EFCAB5: variants seen among roughly 807,000 people sequenced by gnomAD.
EFCAB5 encodes EF-hand calcium-binding domain-containing protein 5.
In EFCAB5, 131 loss-of-function variants were observed where a neutral mutation model predicts 167.9. That is an observed-to-expected ratio of 0.78 (90% CI 0.68 to 0.90). The LOEUF (loss-of-function observed/expected upper bound fraction) is 0.90. Among genes scored for constraint, EFCAB5 ranks in the 40% least tolerant of loss-of-function variants. The pLI, the probability that EFCAB5 is intolerant of heterozygous loss-of-function variation, is 0.00. For missense variants in EFCAB5, 1,663 were observed against 1,745.2 expected (o/e 0.95, Z 0.84); for synonymous variants, 574 against 602.8 (o/e 0.95, Z 0.70).
intron 4 of EFCAB5, among the ~76,000 whole-genome samples, chr17:29,969,842 A>T (rs2067912946): frequency 6.6e-6 from 1 of 152,194 alleles, no homozygotes; most frequent in Admixed American, 6.5e-5. Flanking sequence ...TTCTTTATAC[A>T]TACATAAGGA....
intron 14 of EFCAB5, among the ~76,000 whole-genome samples, chr17:30,062,774 G>A (rs2070459020): frequency 6.6e-6 from 1 of 152,150 alleles, no homozygotes. Flanking sequence ...AAGTGGAGGT[G>A]GAGTCACTCC....
chr17:29,980,033 G>A (rs1438816681), intron 4 of EFCAB5, among the ~76,000 whole-genome samples: 2 of 152,128 alleles, frequency 1.3e-5, no homozygotes, highest in East Asian at 3.9e-4. Flanking sequence ...GCTGGGCATG[G>A]TGGTGCATGC....
chr17:30,002,650 T>C (rs951675892), intron 7 of EFCAB5, among the ~76,000 whole-genome samples: 1 of 152,262 alleles, frequency 6.6e-6, no homozygotes, highest in Non-Finnish European at 1.5e-5. Context: ...CTGTGTTTTT[T>C]GCTTTTTTCA....
At chr17:30,010,657 A>AT (rs1343924953) in intron 7 of EFCAB5, among the ~76,000 whole-genome samples, 4 of 151,724 alleles carry the variant, frequency 2.6e-5, no homozygotes, top group Non-Finnish European at 4.4e-5. Flanking sequence ...CAGTTGTTTG[A>AT]TTTTTTCTTG....
At chr17:30,074,293 C>G (rs1194635321) in intron 14 of EFCAB5, 1 of 152,054 alleles carries the variant, frequency 6.6e-6, no homozygotes, top group South Asian at 2.1e-4. Context: ...CACCACCATG[C>G]CTGGCTAGTT....
chr17:30,014,951 C>T (rs1272380583), intron 7 of EFCAB5, among the ~76,000 whole-genome samples: 5 of 152,082 alleles, frequency 3.3e-5, no homozygotes, highest in Admixed American at 6.5e-5. Flanking sequence ...TGTTCCTTTC[C>T]GTGTTTAGTG....
intron 3 of EFCAB5, among the ~76,000 whole-genome samples, chr17:29,960,169 T>C (rs2067692692): frequency 6.6e-6 from 1 of 152,174 alleles, no homozygotes; most frequent in Admixed American, 6.5e-5. Context: ...CCAAGCATCA[T>C]ATTCTGTCTC....
At position 30,107,823 on chromosome 17, in the gene EFCAB5, TCCTGATG is replaced by T; in HGVS notation, c.4322-9_4322-3del. On this transcript the variant is annotated splice_region_variant and splice_polypyrimidine_tract_variant and intron_variant, in intron 22 of 22. Transcript: ENST00000394835. ...CTCCACTCTTACTTTTCTTTTTTTT[TCCTGATG>T]CAGATCATTCCCGAACTGAAGTATG... 1 of 1,519,300 alleles carries T rather than the reference TCCTGATG, an allele frequency of 6.6e-7. No individual in the cohort carries two copies. The highest frequency in any genetic ancestry group is 8.8e-7 in the Non-Finnish European group (1 of 1,140,414). 94.1% of individuals were successfully genotyped at this position (1,519,300 alleles called of 1,614,324 possible).
chr17:29,960,902 C>A (rs2067708985), intron 3 of EFCAB5, among the ~76,000 whole-genome samples: 1 of 152,018 alleles, frequency 6.6e-6, no homozygotes, highest in Non-Finnish European at 1.5e-5. Flanking sequence ...TGGTATGCTA[C>A]CTAGGCTGGA....
chr17:30,013,717 C>T (rs989556710), intron 7 of EFCAB5, among the ~76,000 whole-genome samples: 12 of 152,162 alleles, frequency 7.9e-5, no homozygotes, highest in East Asian at 3.9e-4. Context: ...GTCTTGCTAG[C>T]GGTCTATCAA....
At position 30,078,231 on chromosome 17, in the gene EFCAB5, A is replaced by G. The variant is rs2070908436; in HGVS notation, c.2754A>G (p.Gln918=). 1.2e-6 allele frequency: 2 copies of G among 1,611,874 alleles called. No individual in the cohort carries two copies. The highest frequency in any genetic ancestry group is 1.7e-6 in the Non-Finnish European group (2 of 1,178,524). ...GTCTTTTAGCTAAACTACACATCCA[A>G]TTTCCAAAGCCACACCCTGGTCACG... ...ESMKKAKLHI[Q]FPKPHPGHEV... The change falls in exon 15 of 23, where the codon CAA becomes CAG. Residue 918 remains glutamine, a synonymous_variant. Coordinates refer to ENST00000394835, the MANE Select transcript of EFCAB5 (RefSeq NM_198529.4).
At chr17:30,014,769 C>G (rs2068992004) in intron 7 of EFCAB5, among the ~76,000 whole-genome samples, 1 of 152,096 alleles carries the variant, frequency 6.6e-6, no homozygotes, top group African/African-American at 2.4e-5. Context: ...CAGTCTGTGT[C>G]TTTTAATTGG....
Position 30,055,945 on chromosome 17 carries a change from T to C in EFCAB5, c.2252T>C (p.Ile751Thr). ...CCCTGTGAACCCAAGTCCCAAAAAA[T>C]AGAAGGAAAGTCATGGTCAGGTAAC... Reference protein sequence around the residue: ...DKPCEPKSQKIEGKSWSGEFF... With the variant: ...DKPCEPKSQKTEGKSWSGEFF... The change falls in exon 11 of 23, where the codon ATA (isoleucine) becomes ACA (threonine). Residue 751 changes from isoleucine to threonine, a missense_variant. Ile to Thr is a moderately conservative substitution (Grantham distance 89). Transcript: ENST00000394835. 3 of 1,613,680 alleles carry C rather than the reference T, an allele frequency of 1.9e-6. No individual in the cohort carries two copies. Among genetic ancestry groups the C allele is most frequent in the Non-Finnish European group, 2.5e-6 (3 of 1,179,758 alleles).
chr17:29,991,066 G>T (rs923519013), intron 4 of EFCAB5, among the ~76,000 whole-genome samples: 3 of 152,138 alleles, frequency 2.0e-5, no homozygotes, highest in Admixed American at 6.5e-5. Context: ...AGTGTGAAAA[G>T]GTTCCAAGGT....
At chr17:30,007,816 G>A (rs1233773958) in intron 7 of EFCAB5, among the ~76,000 whole-genome samples, 2 of 151,994 alleles carry the variant, frequency 1.3e-5, no homozygotes, top group African/African-American at 4.8e-5. Context: ...GTGGGACCCT[G>A]TCTGTACAAA....
At chr17:29,980,869 C>A (rs1440938158) in intron 4 of EFCAB5, among the ~76,000 whole-genome samples, 4 of 152,324 alleles carry the variant, frequency 2.6e-5, no homozygotes, top group Non-Finnish European at 5.9e-5. Context: ...TTCAAGAAGT[C>A]ATTGTCCTCA....
At chr17:30,068,517 C>T in intron 14 of EFCAB5, 1 of 594,624 alleles carries the variant, frequency 1.7e-6, no homozygotes, top group Non-Finnish European at 2.8e-6. Context: ...AATGGAAAGA[C>T]ATCTCATGTT....
chr17:30,062,073 A>G (rs2070439819), intron 14 of EFCAB5, among the ~76,000 whole-genome samples: 1 of 152,344 alleles, frequency 6.6e-6, no homozygotes, highest in East Asian at 1.9e-4. Flanking sequence ...ATTTGCTTTA[A>G]TATGTTCATT....
chr17:29,947,170 C>G (rs1189291546), intron 3 of EFCAB5, among the ~76,000 whole-genome samples: 5 of 142,192 alleles, frequency 3.5e-5, no homozygotes, highest in Admixed American at 1.4e-4. Context: ...GAGACTCCAT[C>G]TCAAAAAAAA....
Sources: gnomAD v4.1 joint callset for allele counts (sites outside exome capture counted in the v4.1 genomes callset) on GRCh38, gnomAD v4.1.1 for gene constraint, MANE v1.5 for transcripts, NCBI Gene and HGNC (gene_info 2026-07-23, HGNC 2026-07-21) for gene names.